The following IL18R1 variants were observed in gnomAD, a reference collection of about 807,000 sequenced individuals.
IL18R1 encodes interleukin-18 receptor 1.
IL18R1 carries 40 observed loss-of-function variants against 48.5 expected under a neutral mutation model. The observed-to-expected ratio is 0.82, with a 90% CI of 0.64 to 1.07. The LOEUF (loss-of-function observed/expected upper bound fraction) is 1.07, where lower values mean the gene tolerates loss of function less well. Ranked by LOEUF, IL18R1 falls within the 50% of genes least tolerant of loss-of-function variation. The pLI, the probability that IL18R1 is intolerant of heterozygous loss-of-function variation, is 0.00. For synonymous variants in IL18R1, 232 were observed against 225.9 expected (o/e 1.03, Z -0.24); for missense variants, 596 against 633.7 (o/e 0.94, Z 0.64).
At chr2:102,382,944 T>C (rs1680004365) in intron 6 of IL18R1, among the ~76,000 whole-genome samples, 1 of 152,198 alleles carries the variant, frequency 6.6e-6, no homozygotes, top group Non-Finnish European at 1.5e-5. Flanking sequence ...AGTATATACC[T>C]TCAAACTCCA....
In IL18R1 at chr2:102,396,855, C is replaced by T. The variant is rs1354059413; in HGVS notation, c.1595C>T (p.Pro532Leu). 5 of 1,600,464 alleles carry T rather than the reference C, an allele frequency of 3.1e-6. No homozygotes were observed. The highest frequency in any genetic ancestry group is 4.3e-6 in the Non-Finnish European group (5 of 1,175,638). The part of the protein sequence containing the change: ...AKTVKPGRDE[P>L]EVLPVLSES ...ACAGTCAAGCCAGGTAGAGACGAAC[C>T]GGAAGTCTTGCCTGTTCTTTCCGAG... The change falls in exon 11 of 11, where the codon CCG becomes CTG. Residue 532 changes from proline to leucine, a missense_variant. By Grantham distance (98) the Pro-to-Leu change is moderately conservative. Coordinates refer to ENST00000233957, the MANE Select transcript of IL18R1 (RefSeq NM_003855.5).
At chr2:102,375,619 A>G (rs2270298) in intron 4 of IL18R1, among the ~76,000 whole-genome samples, 36,172 of 152,034 alleles carry the variant, frequency 0.24, 4,763 homozygotes, top group East Asian at 0.4. Flanking sequence ...GCATGTGTGT[A>G]AAAGAGAGAG....
rs1365800032 is a variant in IL18R1, at chr2:102,376,055, T to C, written c.617T>C (p.Ile206Thr). 3 of 1,568,880 alleles carry C rather than the reference T, an allele frequency of 1.9e-6. No individual in the cohort carries two copies. Among genetic ancestry groups the C allele is most frequent in the East Asian group, 2.3e-5 (1 of 43,816 alleles). Residue 206 changes from isoleucine (I) to threonine (T), a missense_variant, in exon 5 of 11, where the codon ATA (isoleucine) becomes ACA (threonine). By Grantham distance (89) the Ile-to-Thr change is moderately conservative. This residue lies in a region of IL18R1 where 360 missense variants were observed against 339.4 expected (regional missense o/e 1.06). Coordinates refer to ENST00000233957, the MANE Select transcript of IL18R1 (RefSeq NM_003855.5). The stretch of plus-strand genomic sequence containing the variant: ...ATCACCAAAACCTTCAATATAACAA[T>C]AGTGGAAGGTAAGGGAAATCTTAGA... Reference protein sequence around the residue: ...FNITKTFNITIVEDRSNIVPV... With the variant: ...FNITKTFNITTVEDRSNIVPV...
intron 2 of IL18R1, among the ~76,000 whole-genome samples, chr2:102,365,270 C>T (rs914252936): frequency 6.6e-6 from 1 of 152,170 alleles, no homozygotes; most frequent in Admixed American, 6.5e-5. Flanking sequence ...AGTAAATACA[C>T]CCCTTCCAAA....
intron 5 of IL18R1, among the ~76,000 whole-genome samples, chr2:102,378,714 G>A (rs1033778983): frequency 6.6e-5 from 10 of 152,176 alleles, no homozygotes; most frequent in African/African-American, 2.4e-4. Flanking sequence ...ACCTACAATT[G>A]GCACTTGGCA....
At position 102,398,401 on chromosome 2, in the gene IL18R1, A is replaced by T. The variant is rs916863207; in HGVS notation, c.*1515A>T. Reference sequence around the variant, plus strand: ...AAAGTTTAAAGCAGAGATTGTTTCAAATGGGTGTAGTAGATATTACTGAAA... The same window carrying T: ...AAAGTTTAAAGCAGAGATTGTTTCATATGGGTGTAGTAGATATTACTGAAA... On this transcript the variant is annotated 3_prime_UTR_variant, in exon 11 of 11. Coordinates refer to ENST00000233957, the MANE Select transcript of IL18R1 (RefSeq NM_003855.5). 2.6e-5 allele frequency: 4 copies of T among 152,372 alleles called. No homozygotes were observed. The highest frequency in any genetic ancestry group is 9.7e-5 in the African/African-American group (4 of 41,448). The allele number at this position is 152,372 out of a possible 1,614,324, so 9.4% of individuals were successfully genotyped here.
chr2:102,360,065 C>A (rs1236904361), intron 1 of IL18R1, among the ~76,000 whole-genome samples: 4 of 152,148 alleles, frequency 2.6e-5, no homozygotes, highest in Admixed American at 2.6e-4. Flanking sequence ...TGAGCCCATC[C>A]TGCAAAAAAA....
rs138087287 is a variant in IL18R1, at chr2:102,396,692, C to T, written c.1432C>T (p.Pro478Ser). The T allele has an allele frequency of 3.7e-6, 6 of 1,613,826 alleles. No homozygotes were observed. In the African/African-American group the frequency reaches 6.7e-5, roughly 18 times the overall value. Reference sequence around the variant, plus strand: ...TAAAATAATCTTAATTGAATTTACACCTGTTACTGACTTCACATTCTTGCC... The same window carrying T: ...TAAAATAATCTTAATTGAATTTACATCTGTTACTGACTTCACATTCTTGCC... ...KIKIILIEFT[P>S]VTDFTFLPQS... Residue 478 changes from proline (P) to serine (S), a missense_variant, in exon 11 of 11, where the codon CCT (proline) becomes TCT (serine). Physicochemically the swap from Pro to Ser is moderately conservative, Grantham distance 74 (BLOSUM62 -1). Around this residue, in one of 3 missense-constraint regions of IL18R1, gnomAD observed 179 missense variants for 206.1 expected, o/e 0.87. Transcript: ENST00000233957.
At chr2:102,393,774 T>A (rs569236977) in intron 9 of IL18R1, among the ~76,000 whole-genome samples, 1 of 152,300 alleles carries the variant, frequency 6.6e-6, no homozygotes, top group South Asian at 2.1e-4. Flanking sequence ...CCAATTAGCA[T>A]CCATTGCATT....
chr2:102,365,433 G>A (rs905757624), intron 2 of IL18R1, among the ~76,000 whole-genome samples: 3 of 152,166 alleles, frequency 2.0e-5, no homozygotes, highest in African/African-American at 7.2e-5. Context: ...GGATCCCATG[G>A]CCTTGGGCAG....
chr2:102,393,998 G>C (rs1454343293), intron 9 of IL18R1, among the ~76,000 whole-genome samples: 1 of 152,182 alleles, frequency 6.6e-6, no homozygotes, highest in Non-Finnish European at 1.5e-5. Context: ...CTAGAAGAGA[G>C]AGTGGTATCA....
rs1679291432 is a variant in IL18R1 at position 102,371,965 on chromosome 2, G to T, written c.315G>T (p.Gln105His). The T allele has an allele frequency of 6.5e-7, 1 of 1,537,388 alleles. No homozygotes were observed. Among genetic ancestry groups the T allele is most frequent in the African/African-American group, 1.4e-5 (1 of 72,034 alleles). ...SYFFQMKNYT[Q>H]KWKLNVIRRN... ...TTTTATTCCATAGAAATTATACTCA[G>T]AAATGGAAATTAAATGTCATCAGAA... The change falls in exon 4 of 11, where the codon CAG (glutamine) becomes CAT (histidine). Residue 105 changes from glutamine to histidine, a missense_variant. Coordinates refer to ENST00000233957, the MANE Select transcript of IL18R1 (RefSeq NM_003855.5).
At position 102,379,633 on chromosome 2, in the gene IL18R1, C is replaced by T. The variant is rs191968480; in HGVS notation, c.626-1987C>T. On this transcript the variant is annotated intron_variant, in intron 5 of 10. Transcript: ENST00000233957. ...CCCAGCAAGACCTGTCCAGATTCTT[C>T]TTGGCCTCTCTGTTATATTTCCTTT... 7.1e-4 allele frequency among the ~76,000 whole-genome samples: 108 copies of T among 152,264 alleles called. 1 individual carries two copies. The highest frequency in any genetic ancestry group is 2.4e-3 in the African/African-American group (101 of 41,540).
chr2:102,367,910 G>T lies in IL18R1; in HGVS notation c.144G>T (p.Glu48Asp). 1 of 1,614,204 alleles carries T rather than the reference G, an allele frequency of 6.2e-7. No homozygotes were observed. The highest frequency in any genetic ancestry group is 8.5e-7 in the Non-Finnish European group (1 of 1,180,016). ...LKHCSCSLAHEIETTTKSWYK... is the reference protein window; with the variant it reads ...LKHCSCSLAHDIETTTKSWYK... ...ATTGCTCGTGTTCACTTGCACATGAGATTGAAACAACCACCAAAAGCTGGT... is the reference window on the plus strand; with the variant it reads ...ATTGCTCGTGTTCACTTGCACATGATATTGAAACAACCACCAAAAGCTGGT... The change falls in exon 3 of 11, where the codon GAG becomes GAT. Residue 48 changes from glutamate (E) to aspartate (D), a missense_variant. Glu to Asp is a conservative substitution (Grantham distance 45). Coordinates refer to ENST00000233957, the MANE Select transcript of IL18R1 (RefSeq NM_003855.5).
At position 102,397,140 on chromosome 2, in the gene IL18R1, T is replaced by C. The variant is rs1680867790; in HGVS notation, c.*254T>C. On this transcript the variant is annotated 3_prime_UTR_variant, in exon 11 of 11. Coordinates refer to ENST00000233957, the MANE Select transcript of IL18R1 (RefSeq NM_003855.5). Reference sequence around the variant, plus strand: ...ATTCTTTTTCTCCCTCTTTCATAACTGGATGCAGCTGCTCATACTCAATCC... The same window carrying C: ...ATTCTTTTTCTCCCTCTTTCATAACCGGATGCAGCTGCTCATACTCAATCC... The C allele has an allele frequency of 4.9e-6, 2 of 411,604 alleles. No homozygotes were observed. Among genetic ancestry groups the C allele is most frequent in the African/African-American group, 2.1e-5 (1 of 48,652 alleles). The allele number at this position is 411,604 out of a possible 1,614,324, so 25.5% of individuals were successfully genotyped here.
chr2:102,359,271 T>G (rs1678439539), intron 1 of IL18R1, among the ~76,000 whole-genome samples: 1 of 152,116 alleles, frequency 6.6e-6, no homozygotes, highest in Non-Finnish European at 1.5e-5. Context: ...TGAAAAAAGT[T>G]AAATATAAAA....
At chr2:102,356,918 G>A (rs189471012) in intron 1 of IL18R1, among the ~76,000 whole-genome samples, 17 of 152,036 alleles carry the variant, frequency 1.1e-4, no homozygotes, top group African/African-American at 3.9e-4. Context: ...ACCTTGCATC[G>A]CAGTTATCAG....
At chr2:102,382,901 G>C (rs1462279696) in intron 6 of IL18R1, among the ~76,000 whole-genome samples, 1 of 152,106 alleles carries the variant, frequency 6.6e-6, no homozygotes, top group East Asian at 1.9e-4. Flanking sequence ...TTGACCTGAA[G>C]AGTTAGATAA....
chr2:102,384,600 C>T (rs139234270), intron 6 of IL18R1, among the ~76,000 whole-genome samples: 28 of 152,024 alleles, frequency 1.8e-4, no homozygotes, highest in East Asian at 3.9e-4. Flanking sequence ...CCTGATGCTA[C>T]GAAAAGAAAG....
Sources: allele counts gnomAD v4.1 joint callset (sites outside exome capture counted in the v4.1 genomes callset), GRCh38; gene constraint gnomAD v4.1.1; regional missense constraint gnomAD v4.1.1; transcripts MANE v1.5; gene names NCBI Gene and HGNC (gene_info 2026-07-23, HGNC 2026-07-21).